Variants in SS18 observed in about 807,000 individuals in gnomAD.
SS18 encodes protein SSXT.
SS18 carries 28 observed loss-of-function variants against 72.5 expected under a neutral mutation model. The observed-to-expected ratio is 0.39, with a 90% CI of 0.29 to 0.53. The LOEUF (loss-of-function observed/expected upper bound fraction) is 0.53, where lower values mean the gene tolerates loss of function less well. SS18 is among the 20% of genes least tolerant of loss of function. The probability of loss-of-function intolerance (pLI) is 0.76; values close to 1 mark genes in which losing one functional copy is unlikely to be tolerated. For missense variants in SS18, 518 were observed against 535.3 expected (o/e 0.97, Z 0.32); for synonymous variants, 172 against 164.2 (o/e 1.05, Z -0.37).
upstream of SS18, chr18:26,090,624 CT>C (rs2054710604): frequency 6.5e-7 from 1 of 1,526,742 alleles, no homozygotes; most frequent in African/African-American, 1.4e-5. Context: ...GAACGGCAAA[CT>C]GGGGGAGAGA....
At chr18:26,061,418 T>C (rs892642783) in intron 3 of SS18, among the ~76,000 whole-genome samples, 2 of 152,178 alleles carry the variant, frequency 1.3e-5, no homozygotes, top group Admixed American at 6.5e-5. Flanking sequence ...AAGGAAAATA[T>C]AATCACTGAA....
intron 2 of SS18, among the ~76,000 whole-genome samples, chr18:26,079,828 G>A (rs564328209): frequency 6.6e-6 from 1 of 152,104 alleles, no homozygotes; most frequent in Non-Finnish European, 1.5e-5. Flanking sequence ...CAATCAGCCA[G>A]CCTCAGACTC....
intron 3 of SS18, among the ~76,000 whole-genome samples, chr18:26,066,523 C>T (rs958205757): frequency 2.6e-5 from 4 of 151,846 alleles, no homozygotes; most frequent in Admixed American, 1.3e-4. Context: ...TCCCTAATGT[C>T]AAAGGGACAG....
In SS18 at chr18:26,090,510, C is replaced by G. The variant is rs2054705147; in HGVS notation, c.60G>C (p.Ala20=). ...CCCCGCGCGGTTTCACCTTCTGAAT[C>G]GCAGCGGGAGTGATCTCCCCCTTGC... ...QRGKGEITPA[A]IQKMLDDNNH... Residue 20 remains alanine (A), a synonymous_variant, in exon 1 of 11, where the codon GCG becomes GCC. Transcript: ENST00000415083. 1.3e-6 allele frequency: 2 copies of G among 1,577,764 alleles called. No homozygotes were observed. Among genetic ancestry groups the G allele is most frequent in the Non-Finnish European group, 8.6e-7 (1 of 1,162,088 alleles).
chr18:26,073,465 C>T (rs989904171), intron 3 of SS18, among the ~76,000 whole-genome samples: 7 of 152,048 alleles, frequency 4.6e-5, no homozygotes, highest in African/African-American at 1.7e-4. Context: ...TAAACAAAAA[C>T]ATACATGAGG....
chr18:26,018,765 G>T (rs778306539), intron 10 of SS18, among the ~76,000 whole-genome samples: 1 of 152,166 alleles, frequency 6.6e-6, no homozygotes, highest in African/African-American at 2.4e-5. Flanking sequence ...TGACAACTTT[G>T]TGAGTGTTTA....
intron 5 of SS18, among the ~76,000 whole-genome samples, chr18:26,045,803 A>G (rs1262522364): frequency 6.6e-6 from 1 of 152,188 alleles, no homozygotes; most frequent in Admixed American, 6.5e-5. Flanking sequence ...ATTTTGGTCA[A>G]AACACTGAAA....
chr18:26,040,765 C>T (rs10460097), intron 5 of SS18, among the ~76,000 whole-genome samples: 29,102 of 152,094 alleles, frequency 0.19, 5,712 homozygotes, highest in African/African-American at 0.49. Flanking sequence ...CTTTTTTCCT[C>T]CTTTTCAATT....
intron 3 of SS18, among the ~76,000 whole-genome samples, chr18:26,072,316 A>C (rs1209036040): frequency 2.0e-5 from 3 of 151,808 alleles, no homozygotes; most frequent in Non-Finnish European, 4.4e-5. Flanking sequence ...ACAGTGGCTC[A>C]CACCTGTAAT....
chr18:26,032,904 A>C (rs1427019523), intron 9 of SS18, among the ~76,000 whole-genome samples: 2 of 152,224 alleles, frequency 1.3e-5, no homozygotes, highest in Non-Finnish European at 2.9e-5. Flanking sequence ...CAAGAGGCAG[A>C]TTCAAAGAAA....
At chr18:26,071,971 A>C in intron 3 of SS18, among the ~76,000 whole-genome samples, 1 of 152,200 alleles carries the variant, frequency 6.6e-6, no homozygotes, top group East Asian at 1.9e-4. Context: ...GGTGAAAAAA[A>C]AAGTGATCTA....
chr18:26,085,211 G>A (rs1249290048), intron 2 of SS18, among the ~76,000 whole-genome samples: 1 of 152,056 alleles, frequency 6.6e-6, no homozygotes, highest in Non-Finnish European at 1.5e-5. Flanking sequence ...CTTGTTGGCG[G>A]CGTTAAGTAG....
intron 4 of SS18, among the ~76,000 whole-genome samples, chr18:26,055,615 A>G (rs139244322): frequency 5.3e-5 from 8 of 152,350 alleles, no homozygotes; most frequent in Admixed American, 3.3e-4. Flanking sequence ...GAAACAGCCA[A>G]GATGCAAATT....
At position 26,018,285 on chromosome 18, in the gene SS18, G is replaced by T; in HGVS notation, c.*69C>A. On this transcript the variant is annotated 3_prime_UTR_variant, in exon 11 of 11. Transcript: ENST00000415083. ...GAATGGAAGGATCTCTTCACAGGGA[G>T]GTGTCCACAGTGCTGAGGTGACAAT... is the stretch of plus-strand genomic sequence containing the variant. 1.5e-6 allele frequency: 2 copies of T among 1,300,364 alleles called. No homozygotes were observed. The highest frequency in any genetic ancestry group is 2.2e-6 in the Non-Finnish European group (2 of 912,436). 80.6% of individuals were successfully genotyped at this position (1,300,364 alleles called of 1,614,324 possible). A position where few individuals can be genotyped will look rare whatever the true frequency, so the allele number is the denominator to read the frequency against.
chr18:26,052,408 C>T (rs2053938033), intron 5 of SS18, among the ~76,000 whole-genome samples: 1 of 152,174 alleles, frequency 6.6e-6, no homozygotes, highest in Non-Finnish European at 1.5e-5. Context: ...CTCAAACAAA[C>T]TGTCCAAAAG....
At chr18:26,064,958 A>G (rs1445150050) in intron 3 of SS18, 1 of 152,130 alleles carries the variant, frequency 6.6e-6, no homozygotes, top group Non-Finnish European at 1.5e-5. Context: ...TCCAAAAAAC[A>G]ATTAGAAAGT....
At chr18:26,054,173 G>GA (rs1006896369) in intron 4 of SS18, among the ~76,000 whole-genome samples, 6 of 150,382 alleles carry the variant, frequency 4.0e-5, no homozygotes, top group East Asian at 1.9e-4. Flanking sequence ...ATAATGACAA[G>GA]AAAAAAAAAG....
At chr18:26,082,272 T>G (rs753414558) in intron 2 of SS18, 22 of 612,912 alleles carry the variant, frequency 3.6e-5, no homozygotes, top group Admixed American at 6.3e-5. Flanking sequence ...ACTCATCAAT[T>G]ACTTTGAATA....
At chr18:26,067,319 G>GACC (rs1365283539) in intron 3 of SS18, among the ~76,000 whole-genome samples, 1 of 152,178 alleles carries the variant, frequency 6.6e-6, no homozygotes, top group East Asian at 1.9e-4. Flanking sequence ...ACTCTGAGAT[G>GACC]ACCACCAAGC....
Sources: allele counts gnomAD v4.1 joint callset (sites outside exome capture counted in the v4.1 genomes callset), GRCh38; gene constraint gnomAD v4.1.1; transcripts MANE v1.5; gene names NCBI Gene and HGNC (gene_info 2026-07-23, HGNC 2026-07-21).